Variants in LDB2 observed in about 807,000 individuals in gnomAD.
LDB2 encodes LIM domain-binding protein 2.
LDB2 carries 12 observed loss-of-function variants against 44.3 expected under a neutral mutation model. The ratio of observed to expected loss-of-function variants is 0.27; its 90% CI spans 0.17 to 0.44. The LOEUF is 0.44. Among genes scored for constraint, LDB2 ranks in the 20% least tolerant of loss-of-function variants. The pLI is 1.00. For synonymous variants in LDB2, 164 were observed against 174.8 expected, an observed-to-expected ratio of 0.94 and a Z score of 0.49; for missense variants, 344 against 473.5, an observed-to-expected ratio of 0.73 and a Z score of 2.54.
At chr4:16,885,825 AG>A (rs1407626593) in intron 1 of LDB2, among the ~76,000 whole-genome samples, 1 of 152,208 alleles carries the variant, frequency 6.6e-6, no homozygotes, top group East Asian at 1.9e-4. Flanking sequence ...TCTGGATTCA[AG>A]ACTTCTGACT....
At chr4:16,677,004 G>A (rs772472894) in intron 2 of LDB2, among the ~76,000 whole-genome samples, 18 of 152,150 alleles carry the variant, frequency 1.2e-4, no homozygotes, top group Non-Finnish European at 1.8e-4. Context: ...TTGGCCCCTC[G>A]CTTAAAAGCA....
At chr4:16,655,438 T>C (rs1228290964) in intron 2 of LDB2, among the ~76,000 whole-genome samples, 1 of 152,086 alleles carries the variant, frequency 6.6e-6, no homozygotes, top group East Asian at 1.9e-4. Context: ...CTCATGGGTG[T>C]AGATGAGTGC....
chr4:16,865,889 AT>A (rs1292987469), intron 1 of LDB2, among the ~76,000 whole-genome samples: 1 of 152,072 alleles, frequency 6.6e-6, no homozygotes, highest in Non-Finnish European at 1.5e-5. Context: ...CATCTAGAAT[AT>A]TCTTCCCCAA....
At chr4:16,531,064 A>G (rs985871722) in intron 5 of LDB2, among the ~76,000 whole-genome samples, 4 of 152,204 alleles carry the variant, frequency 2.6e-5, no homozygotes, top group Non-Finnish European at 4.4e-5. Flanking sequence ...AAAGTAGTGG[A>G]ACCAGGTTTC....
intron 5 of LDB2, among the ~76,000 whole-genome samples, chr4:16,565,517 T>C (rs1031799304): frequency 2.0e-5 from 3 of 152,030 alleles, no homozygotes; most frequent in Non-Finnish European, 2.9e-5. Context: ...CTATCTCAAA[T>C]CTCAGATAAT....
At chr4:16,790,466 T>C (rs1482639232) in intron 1 of LDB2, among the ~76,000 whole-genome samples, 1 of 152,016 alleles carries the variant, frequency 6.6e-6, no homozygotes, top group Non-Finnish European at 1.5e-5. Context: ...AGGAAATGAT[T>C]GATATTCAGT....
At chr4:16,542,098 T>TGTTG (rs1733991471) in intron 5 of LDB2, among the ~76,000 whole-genome samples, 2 of 9,526 alleles carry the variant, frequency 2.1e-4, no homozygotes, top group South Asian at 0.011. Flanking sequence ...TTACATCAGG[T>TGTTG]GGTGGGGGGG....
intron 5 of LDB2, among the ~76,000 whole-genome samples, chr4:16,558,211 A>G (rs1740524260): frequency 6.6e-6 from 1 of 152,222 alleles, no homozygotes; most frequent in Admixed American, 6.5e-5. Context: ...CTGGATGGAG[A>G]ATGACTTTGA....
chr4:16,778,240 T>C (rs897141283), intron 1 of LDB2, among the ~76,000 whole-genome samples: 7 of 152,168 alleles, frequency 4.6e-5, no homozygotes, highest in African/African-American at 1.7e-4. Context: ...CAATCAACTG[T>C]TCCCTTTGAG....
At chr4:16,871,683 G>A (rs147180209) in intron 1 of LDB2, among the ~76,000 whole-genome samples, 3,296 of 147,338 alleles carry the variant, frequency 0.022, 75 homozygotes, top group African/African-American at 0.057. Context: ...GCAGTGGCAC[G>A]ATCTCAGCTC....
At chr4:16,706,173 G>A (rs900691414) in intron 2 of LDB2, among the ~76,000 whole-genome samples, 1 of 152,102 alleles carries the variant, frequency 6.6e-6, no homozygotes, top group African/African-American at 2.4e-5. Flanking sequence ...TTAAGTCCTT[G>A]AGATATGGTG....
At position 16,772,427 on chromosome 4, in the gene LDB2, A is replaced by G. The variant is rs1404751257; in HGVS notation, c.133-13167T>C. Among the ~76,000 whole-genome samples the G allele has an allele frequency of 4.6e-5, 7 of 152,346 alleles. No individual in the cohort carries two copies. The South Asian group carries it at 6.2e-4, about 14-fold the overall frequency. ...ACTACCAAAGACAAAAGATAAATCTATCAAGGAGACACATTAATCTCCCTC... is the reference window on the plus strand; with the variant it reads ...ACTACCAAAGACAAAAGATAAATCTGTCAAGGAGACACATTAATCTCCCTC... On this transcript the variant is annotated intron_variant, in intron 1 of 7. Transcript: ENST00000304523.
Position 16,502,660 on chromosome 4 carries a change from G to C in LDB2, c.1105C>G (p.Pro369Ala), listed in dbSNP as rs780991518. The C allele has an allele frequency of 6.2e-7, 1 of 1,613,898 alleles. No homozygotes were observed. The highest frequency in any genetic ancestry group is 8.5e-7 in the Non-Finnish European group (1 of 1,179,822). ...TQETKSENPP[P>A]QASQ is the part of the protein sequence containing the mutation. ...CGATCATCTTATTGGGAAGCCTGGG[G>C]TGGGGGGTTTTCTGATTTGGTCTCT... is the stretch of plus-strand genomic sequence containing the variant. The change falls in exon 8 of 8, where the codon CCC becomes GCC. Residue 369 changes from proline (P) to alanine (A), a missense_variant. By Grantham distance (27) the Pro-to-Ala change is conservative (BLOSUM62 -1). Around this residue, in one of 3 missense-constraint regions of LDB2, gnomAD observed 32 missense variants for 32.3 expected, o/e 0.99. Coordinates refer to ENST00000304523, the MANE Select transcript of LDB2 (RefSeq NM_001290.5).
At chr4:16,570,546 A>G (rs542361449) in intron 5 of LDB2, among the ~76,000 whole-genome samples, 1 of 150,984 alleles carries the variant, frequency 6.6e-6, no homozygotes, top group South Asian at 2.1e-4. Context: ...GAGAAACAAC[A>G]GAAGGGTAAA....
rs1735622363 is a variant in LDB2, at chr4:16,546,021, G to A, written c.616-33917C>T. ...GCCAGTGGATTTATAAAAATTAAAA[G>A]GTCTGAGAGGTAATGCTCATGAACC... On this transcript the variant is annotated intron_variant, in intron 5 of 7. Coordinates refer to ENST00000304523, the MANE Select transcript of LDB2 (RefSeq NM_001290.5). 3.3e-5 allele frequency among the ~76,000 whole-genome samples: 5 copies of A among 152,104 alleles called. No homozygotes were observed. The South Asian group carries it at 1.0e-3, about 32-fold the overall frequency.
At chr4:16,695,997 G>A (rs1019020335) in intron 2 of LDB2, among the ~76,000 whole-genome samples, 1 of 152,156 alleles carries the variant, frequency 6.6e-6, no homozygotes, top group Non-Finnish European at 1.5e-5. Context: ...TATCATCATT[G>A]CATTGCTCTG....
chr4:16,610,198 C>T (rs1270894866), intron 2 of LDB2, among the ~76,000 whole-genome samples: 1 of 152,004 alleles, frequency 6.6e-6, no homozygotes, highest in Non-Finnish European at 1.5e-5. Flanking sequence ...CACAGAAACT[C>T]CATCCAAGGG....
In LDB2 at chr4:16,502,688, A is replaced by G; in HGVS notation, c.1077T>C (p.Thr359=). 1.2e-6 allele frequency: 2 copies of G among 1,613,686 alleles called. No homozygotes were observed. Among genetic ancestry groups the G allele is most frequent in the Non-Finnish European group, 1.7e-6 (2 of 1,179,792 alleles). The change falls in exon 8 of 8, where the codon ACT becomes ACC. Residue 359 remains threonine (T), a synonymous_variant. Coordinates refer to ENST00000304523, the MANE Select transcript of LDB2 (RefSeq NM_001290.5). Reference sequence around the variant, plus strand: ...GGGGGTTTTCTGATTTGGTCTCTTGAGTGGCGGGAGGTTTACTGTTCCACG... The same window carrying G: ...GGGGGTTTTCTGATTTGGTCTCTTGGGTGGCGGGAGGTTTACTGTTCCACG... ...NSPWNSKPPA[T]QETKSENPPP...
chr4:16,885,907 C>A (rs1255425300), intron 1 of LDB2, among the ~76,000 whole-genome samples: 1 of 152,124 alleles, frequency 6.6e-6, no homozygotes. Context: ...TCTTCTACCG[C>A]AATGGGAGAT....
Sources: allele counts gnomAD v4.1 joint callset (sites outside exome capture counted in the v4.1 genomes callset), GRCh38; gene constraint gnomAD v4.1.1; regional missense constraint gnomAD v4.1.1; transcripts MANE v1.5; gene names NCBI Gene and HGNC (gene_info 2026-07-23, HGNC 2026-07-21).